Variants in RABGAP1L observed in about 807,000 individuals in gnomAD.
RABGAP1L encodes the protein rab GTPase-activating protein 1-like.
RABGAP1L carries 63 observed loss-of-function variants against 137.7 expected under a neutral mutation model. The ratio of observed to expected loss-of-function variants is 0.46; its 90% confidence interval spans 0.37 to 0.56. The LOEUF is 0.56. Among genes scored for constraint, RABGAP1L ranks in the 20% least tolerant of loss-of-function variants. The probability of loss-of-function intolerance (pLI) is 0.00; values close to 1 mark genes in which losing one functional copy is unlikely to be tolerated. For missense variants in RABGAP1L, 1,095 were observed against 1,244.0 expected (o/e 0.88, Z 1.80); for synonymous variants, 431 against 433.7 (o/e 0.99, Z 0.08).
At position 174,854,715 on chromosome 1, in the gene RABGAP1L, C is replaced by CTTTTTTTTTTTTTTTTTTTTTTTTT. The variant is rs71117584; in HGVS notation, c.2340+42776_2340+42800dup. On this transcript the variant is annotated intron_variant, in intron 19 of 25. Transcript: ENST00000681986. ...AACTGCAATAGACTCAATATAAATG[C>CTTTTTTTTTTTTTTTTTTTTTTTTT]TTTTTTTTTTTTTTTTTTTTTTTTT... Among the ~76,000 whole-genome samples the CTTTTTTTTTTTTTTTTTTTTTTTTT allele has an allele frequency of 8.8e-5, 5 of 56,872 alleles. 2 individuals carry two copies. Among genetic ancestry groups the CTTTTTTTTTTTTTTTTTTTTTTTTT allele is most frequent in the Admixed American group, 4.9e-4 (2 of 4,110 alleles). The allele number at this position is 56,872 out of a possible 152,430, so 37.3% of individuals were successfully genotyped here.
chr1:174,588,944 C>G (rs553531968), intron 13 of RABGAP1L, among the ~76,000 whole-genome samples: 4 of 152,274 alleles, frequency 2.6e-5, no homozygotes, highest in South Asian at 4.2e-4. Flanking sequence ...ATAGTGACCT[C>G]CATTCTTTTG....
chr1:174,988,862 A>G, intron 25 of RABGAP1L, 24 bp downstream of exon 25: 1 of 1,522,622 alleles, frequency 6.6e-7, no homozygotes, highest in South Asian at 1.3e-5. Context: ...TAAAAGAACA[A>G]GAAGAAAGAA....
chr1:174,532,768 T>G (rs1664532153), intron 13 of RABGAP1L, among the ~76,000 whole-genome samples: 1 of 152,092 alleles, frequency 6.6e-6, no homozygotes, highest in Admixed American at 6.6e-5. Flanking sequence ...AACGGAATAC[T>G]ATAAAGCAGC....
intron 13 of RABGAP1L, among the ~76,000 whole-genome samples, chr1:174,458,329 TTACAGAAAAAAAATTTTTTTCTG>T (rs974932762): frequency 9.5e-4 from 144 of 151,828 alleles, no homozygotes; most frequent in African/African-American, 3.1e-3. Context: ...AGAAAAAAAT[TTACAGAAAAAAAATTTTTTTCTG>T]TACAGAAAAA....
chr1:174,850,448 G>C (rs1648110197), intron 19 of RABGAP1L, among the ~76,000 whole-genome samples: 1 of 152,172 alleles, frequency 6.6e-6, no homozygotes, highest in Non-Finnish European at 1.5e-5. Flanking sequence ...AAGAAGTCTT[G>C]CTTTTTCCTG....
intron 10 of RABGAP1L, among the ~76,000 whole-genome samples, chr1:174,302,899 TA>T (rs1401179471): frequency 1.3e-5 from 2 of 152,200 alleles, no homozygotes; most frequent in Non-Finnish European, 2.9e-5. Flanking sequence ...TAAACCTACT[TA>T]AATCAAAGTA....
chr1:174,490,057 G>A lies in RABGAP1L; in HGVS notation c.1710+95912G>A, dbSNP rs374237192. 6.6e-5 allele frequency among the ~76,000 whole-genome samples: 10 copies of A among 152,066 alleles called. No individual in the cohort carries two copies. The East Asian group carries it at 1.2e-3, about 18-fold the overall frequency. On this transcript the variant is annotated intron_variant, in intron 13 of 25. Coordinates refer to ENST00000681986, the MANE Select transcript of RABGAP1L (RefSeq NM_001366446.1). The stretch of plus-strand genomic sequence containing the variant: ...GAATTCTCTGTCTGAAAGGTACCAT[G>A]TGTCTCTTTCTCCAAGAGTGGTCCC...
chr1:174,787,617 G>C (rs1467287524), intron 18 of RABGAP1L, among the ~76,000 whole-genome samples: 1 of 152,190 alleles, frequency 6.6e-6, no homozygotes, highest in Non-Finnish European at 1.5e-5. Flanking sequence ...AGGTAGGATA[G>C]ATCTAGCTTG....
chr1:174,950,616 T>C (rs1276681537), intron 19 of RABGAP1L, among the ~76,000 whole-genome samples: 1 of 152,214 alleles, frequency 6.6e-6, no homozygotes, highest in Non-Finnish European at 1.5e-5. Flanking sequence ...TAACTGTGAC[T>C]CTGACTTGGA....
chr1:174,991,246 C>T lies in RABGAP1L; in HGVS notation c.*1245C>T, dbSNP rs942207841. ...CTTGCAGGAAATTATTTGATAAGAG[C>T]AAAACTATTTTTATTTTATAAACTA... On this transcript the variant is annotated 3_prime_UTR_variant, in exon 26 of 26. Transcript: ENST00000681986. The T allele has an allele frequency of 5.9e-5, 9 of 152,246 alleles. No homozygotes were observed. The East Asian group carries it at 1.3e-3, about 23-fold the overall frequency. 9.4% of individuals were successfully genotyped at this position (152,246 alleles called of 1,614,324 possible).
At chr1:174,258,890 G>C (rs1230904867) in intron 7 of RABGAP1L, among the ~76,000 whole-genome samples, 2 of 151,860 alleles carry the variant, frequency 1.3e-5, no homozygotes, top group Admixed American at 6.6e-5. Flanking sequence ...CTATCCTCCT[G>C]CCTCAGCCTC....
chr1:174,919,581 T>G (rs1355915223), intron 19 of RABGAP1L, among the ~76,000 whole-genome samples: 1 of 152,168 alleles, frequency 6.6e-6, no homozygotes, highest in Non-Finnish European at 1.5e-5. Flanking sequence ...AAGCCAGGCA[T>G]GGTGGCTCAC....
intron 1 of RABGAP1L, among the ~76,000 whole-genome samples, chr1:174,211,241 A>T (rs1668862771): frequency 6.6e-6 from 1 of 152,328 alleles, no homozygotes; most frequent in Admixed American, 6.5e-5. Flanking sequence ...CTAAGTAGAA[A>T]GACTAAATGA....
chr1:174,575,858 G>A (rs886592826), intron 13 of RABGAP1L, among the ~76,000 whole-genome samples: 1 of 152,162 alleles, frequency 6.6e-6, no homozygotes, highest in African/African-American at 2.4e-5. Context: ...CTGCAATGCT[G>A]CCAATGCACT....
At chr1:174,379,296 T>G (rs1028282284) in intron 12 of RABGAP1L, among the ~76,000 whole-genome samples, 1 of 147,526 alleles carries the variant, frequency 6.8e-6, no homozygotes, top group Non-Finnish European at 1.5e-5. Context: ...ATATGAACTT[T>G]AAAGTAGTTT....
intron 19 of RABGAP1L, among the ~76,000 whole-genome samples, chr1:174,828,864 G>A (rs1691841347): frequency 6.8e-6 from 1 of 148,126 alleles, no homozygotes; most frequent in African/African-American, 2.5e-5. Context: ...CATTGTTGGA[G>A]TTTAAATTTA....
chr1:174,623,616 C>G (rs2148283020), intron 13 of RABGAP1L, among the ~76,000 whole-genome samples: 1 of 152,300 alleles, frequency 6.6e-6, no homozygotes, highest in East Asian at 1.9e-4. Context: ...TTTGATAATA[C>G]ACGTGGAGTA....
chr1:174,597,550 G>T (rs1443980358), intron 13 of RABGAP1L, among the ~76,000 whole-genome samples: 2 of 151,812 alleles, frequency 1.3e-5, no homozygotes, highest in African/African-American at 2.4e-5. Flanking sequence ...TGTGGAATCA[G>T]TTGTAATTTT....
chr1:174,874,059 C>A (rs1229504466), intron 19 of RABGAP1L, among the ~76,000 whole-genome samples: 1 of 152,014 alleles, frequency 6.6e-6, no homozygotes, highest in Non-Finnish European at 1.5e-5. Context: ...ACTGTTGGGA[C>A]AAAATTAGCT....
Sources: gnomAD v4.1 joint callset for allele counts (sites outside exome capture counted in the v4.1 genomes callset) on GRCh38, gnomAD v4.1.1 for gene constraint, MANE v1.5 for transcripts, NCBI Gene and HGNC (gene_info 2026-07-23, HGNC 2026-07-21) for gene names.